ATP2C1: variants seen among roughly 807,000 people sequenced by gnomAD.
The protein encoded by ATP2C1 is ATPase secretory pathway Ca2+ transporting 1.
ATP2C1 carries 31 observed loss-of-function variants against 120.5 expected under a neutral mutation model. The observed-to-expected ratio is 0.26, with a 90% confidence interval of 0.19 to 0.35. The LOEUF (loss-of-function observed/expected upper bound fraction) is 0.35. Among genes scored for constraint, ATP2C1 ranks in the 10% least tolerant of loss-of-function variants. ATP2C1 has a pLI of 1.00. For missense variants in ATP2C1, 731 were observed against 1,107.5 expected (o/e 0.66, Z 4.83); for synonymous variants, 351 against 358.7 (o/e 0.98, Z 0.24).
At chr3:130,968,518 G>T (rs2061152372) in intron 16 of ATP2C1, among the ~76,000 whole-genome samples, 1 of 152,134 alleles carries the variant, frequency 6.6e-6, no homozygotes, top group Non-Finnish European at 1.5e-5. Context: ...GCTAGGGAAT[G>T]AACTAAAGTA....
intron 5 of ATP2C1, among the ~76,000 whole-genome samples, chr3:130,935,347 A>T (rs1448340369): frequency 6.6e-6 from 1 of 152,178 alleles, no homozygotes; most frequent in Admixed American, 6.5e-5. Context: ...AATATTCCTT[A>T]TAGTGCATGC....
intron 1 of ATP2C1, among the ~76,000 whole-genome samples, chr3:130,884,960 T>C (rs1024920568): frequency 1.4e-5 from 2 of 142,020 alleles, no homozygotes; most frequent in African/African-American, 5.3e-5. Context: ...TAAGACGGAG[T>C]CTTGCTCTTG....
At chr3:130,980,092 A>G (rs984519051) in intron 19 of ATP2C1, among the ~76,000 whole-genome samples, 8 of 152,208 alleles carry the variant, frequency 5.3e-5, no homozygotes, top group African/African-American at 1.7e-4. Flanking sequence ...TCATTTATGT[A>G]TAACTACATG....
chr3:130,949,917 A>G (rs1408239189), intron 8 of ATP2C1, among the ~76,000 whole-genome samples: 1 of 152,120 alleles, frequency 6.6e-6, no homozygotes, highest in Non-Finnish European at 1.5e-5. Context: ...GGGGAGAGAA[A>G]TCCATTTCTA....
rs556440563 is a variant in ATP2C1, at chr3:130,923,774, G to A, written c.7-6642G>A. 7.2e-5 allele frequency among the ~76,000 whole-genome samples: 11 copies of A among 151,738 alleles called. 1 individual carries two copies. The highest frequency in any genetic ancestry group is 2.7e-4 in the African/African-American group (11 of 41,402). ...CCCAGCTACTTGGGAGGCTGAGGTG[G>A]GAGAATAGCTGAACCCAGGAGGTGA... is the stretch of plus-strand genomic sequence containing the variant. On this transcript the variant is annotated intron_variant, in intron 2 of 27. Coordinates refer to ENST00000510168, the MANE Select transcript of ATP2C1 (RefSeq NM_001378687.1).
At chr3:130,911,909 G>A (rs1389967000) in intron 2 of ATP2C1, among the ~76,000 whole-genome samples, 1 of 144,114 alleles carries the variant, frequency 6.9e-6, no homozygotes, top group African/African-American at 2.6e-5. Flanking sequence ...CAGAGATATA[G>A]ATCAATGGAA....
chr3:130,858,585 C>T (rs192423490), intron 1 of ATP2C1, among the ~76,000 whole-genome samples: 3 of 152,248 alleles, frequency 2.0e-5, no homozygotes, highest in East Asian at 3.9e-4. Flanking sequence ...ATTTGATTCC[C>T]GATGTATCCC....
chr3:130,861,465 G>A (rs1405344211), intron 1 of ATP2C1, among the ~76,000 whole-genome samples: 1 of 152,144 alleles, frequency 6.6e-6, no homozygotes, highest in Non-Finnish European at 1.5e-5. Context: ...GAAGATCAAT[G>A]TTCCAGTTCA....
chr3:130,996,931 G>A lies in ATP2C1; in HGVS notation c.2243+135G>A, dbSNP rs139025608. On this transcript the variant is annotated intron_variant, in intron 24 of 27. Coordinates refer to ENST00000510168, the MANE Select transcript of ATP2C1 (RefSeq NM_001378687.1). ...TGTTTTAACATTTATGTTATAAATT[G>A]TGTGATGTGTGTATTTTATTAATTC... 9.0e-4 allele frequency: 652 copies of A among 721,098 alleles called. 4 individuals carry two copies. In the African/African-American group the frequency reaches 1.0e-2, roughly 11 times the overall value. The allele number at this position is 721,098 out of a possible 1,614,324, so 44.7% of individuals were successfully genotyped here.
chr3:130,979,506 T>C, intron 19 of ATP2C1, 87 bp downstream of exon 19: 1 of 1,349,002 alleles, frequency 7.4e-7, no homozygotes, highest in Non-Finnish European at 1.0e-6. Context: ...GTTATGAATA[T>C]GTTTATGTAA....
At chr3:131,007,722 C>T (rs939782609), downstream of ATP2C1, among the ~76,000 whole-genome samples, 1 of 152,158 alleles carries the variant, frequency 6.6e-6, no homozygotes, top group Non-Finnish European at 1.5e-5. Flanking sequence ...CTTTAGTTGA[C>T]AAGTGACAAT....
At chr3:130,867,278 C>A (rs1358893512) in intron 1 of ATP2C1, among the ~76,000 whole-genome samples, 1 of 151,524 alleles carries the variant, frequency 6.6e-6, no homozygotes, top group South Asian at 2.1e-4. Flanking sequence ...CTCTTTAAAT[C>A]AAAAAATAGA....
intron 19 of ATP2C1, among the ~76,000 whole-genome samples, chr3:130,979,655 G>A (rs1189467478): frequency 3.3e-5 from 4 of 120,460 alleles, no homozygotes; most frequent in Non-Finnish European, 7.2e-5. Flanking sequence ...TTTATTCACA[G>A]AAGGGTAATT....
intron 1 of ATP2C1, among the ~76,000 whole-genome samples, chr3:130,865,152 T>C (rs1391307011): frequency 6.6e-6 from 1 of 152,226 alleles, no homozygotes; most frequent in Non-Finnish European, 1.5e-5. Flanking sequence ...ATGACCTGGA[T>C]GTGAGACCTG....
rs748119659 is a variant in ATP2C1, at chr3:130,967,410, T to C, written c.1299T>C (p.Leu433=). 2.5e-6 allele frequency: 4 copies of C among 1,613,016 alleles called. No homozygotes were observed. The African/African-American group carries it at 5.3e-5, about 22-fold the overall frequency. The stretch of plus-strand genomic sequence containing the variant: ...CAACAGAAGGGGCCTTAATTGCTCT[T>C]GCAATGAAGGTACGTACCTAAATTT... ...GKPTEGALIA[L]AMKMGLDGLQ... is the part of the protein sequence containing the mutation. The change falls in exon 16 of 28, where the codon CTT becomes CTC. Residue 433 remains leucine (L), a synonymous_variant. Coordinates refer to ENST00000510168, the MANE Select transcript of ATP2C1 (RefSeq NM_001378687.1).
intron 24 of ATP2C1, among the ~76,000 whole-genome samples, chr3:130,997,358 A>G (rs1256793734): frequency 6.6e-6 from 1 of 152,172 alleles, no homozygotes; most frequent in Non-Finnish European, 1.5e-5. Flanking sequence ...CATGTAAATG[A>G]ATTGGATGGT....
chr3:130,941,437 C>A (rs1186245771), intron 7 of ATP2C1, among the ~76,000 whole-genome samples, 154 bp from the exon 8 acceptor site: 2 of 152,194 alleles, frequency 1.3e-5, no homozygotes, highest in African/African-American at 2.4e-5. Flanking sequence ...AAGTTATTTT[C>A]TGTCATCTTG....
intron 1 of ATP2C1, among the ~76,000 whole-genome samples, chr3:130,856,865 A>G (rs947712291): frequency 6.6e-6 from 1 of 152,216 alleles, no homozygotes; most frequent in African/African-American, 2.4e-5. Flanking sequence ...ATTTATACCT[A>G]GTGTTCCATT....
chr3:130,893,789 G>C (rs533288454), upstream of ATP2C1, among the ~76,000 whole-genome samples: 309 of 152,304 alleles, frequency 2.0e-3, no homozygotes, highest in African/African-American at 6.9e-3. Flanking sequence ...CATATAAACG[G>C]GCGGACACCG....
Sources: allele counts gnomAD v4.1 joint callset (sites outside exome capture counted in the v4.1 genomes callset), GRCh38; gene constraint gnomAD v4.1.1; transcripts MANE v1.5; gene names NCBI Gene and HGNC (gene_info 2026-07-23, HGNC 2026-07-21).